The following ACAN variants were observed in gnomAD, a reference collection of about 807,000 sequenced individuals.
The protein encoded by ACAN is aggrecan, also known as aggrecan core protein.
Under a neutral mutation model 169.1 loss-of-function variants are expected in ACAN, and 47 were observed. The ratio of observed to expected loss-of-function variants is 0.28; its 90% CI spans 0.22 to 0.35. The LOEUF is 0.35. Among genes scored for constraint, ACAN ranks in the 10% least tolerant of loss-of-function variants. ACAN has a pLI of 1.00. For synonymous variants in ACAN, 1,115 were observed against 1,112.2 expected (o/e 1.00, Z -0.05); for missense variants, 2,716 against 2,759.9 (o/e 0.98, Z 0.36).
intron 5 of ACAN, among the ~76,000 whole-genome samples, chr15:88,842,516 C>T (rs868848815): frequency 2.2e-5 from 1 of 44,634 alleles, no homozygotes; most frequent in African/African-American, 6.9e-5. Context: ...GCCCATCCCC[C>T]CTCCCCCCTA....
chr15:88,874,334 G>C lies in ACAN; in HGVS notation c.7631-71G>C. On this transcript the variant is annotated intron_variant, in intron 18 of 18. Coordinates refer to ENST00000560601, the MANE Select transcript of ACAN (RefSeq NM_001369268.1). This position sits in a 1 kb window ranked among gnomAD's most constrained non-coding sequence, Gnocchi z 7.3. ...TTCCACAAGGGAGAGAGGGTAGTCT[G>C]GGGAGAGCCTGGGCTCGCCCCACTT... 7.1e-7 allele frequency: 1 copy of C among 1,414,808 alleles called. No individual in the cohort carries two copies. Among genetic ancestry groups the C allele is most frequent in the Non-Finnish European group, 9.8e-7 (1 of 1,023,470 alleles). 87.6% of individuals were successfully genotyped at this position (1,414,808 alleles called of 1,614,324 possible).
Position 88,845,569 on chromosome 15 carries a change from C to T in ACAN, c.1116C>T (p.Val372=). 1.2e-6 allele frequency: 2 copies of T among 1,613,998 alleles called. No individual in the cohort carries two copies. Among genetic ancestry groups the T allele is most frequent in the Non-Finnish European group, 1.7e-6 (2 of 1,179,892 alleles). Residue 372 remains valine (V), a synonymous_variant, in exon 7 of 19, where the codon GTC becomes GTT. Transcript: ENST00000560601. ...TGGGGGGTGAGGAGGACATCACCGTCCAGACAGTGACCTGGCCTGACATGG... is the reference window on the plus strand; with the variant it reads ...TGGGGGGTGAGGAGGACATCACCGTTCAGACAGTGACCTGGCCTGACATGG... ...FGVGGEEDIT[V]QTVTWPDMEL...
At chr15:88,867,907 C>G (rs962914074) in intron 13 of ACAN, among the ~76,000 whole-genome samples, 7 of 152,184 alleles carry the variant, frequency 4.6e-5, no homozygotes, top group African/African-American at 1.7e-4. Flanking sequence ...CTATGTTCCC[C>G]GTCAGAAAAG....
intron 1 of ACAN, among the ~76,000 whole-genome samples, chr15:88,806,263 T>A (rs1328928664): frequency 1.3e-5 from 2 of 152,184 alleles, no homozygotes; most frequent in Admixed American, 6.5e-5. Context: ...CTAAGCCCCC[T>A]TGTGGGTCAC....
intron 1 of ACAN, among the ~76,000 whole-genome samples, chr15:88,824,325 A>G (rs1008064238): frequency 7.0e-6 from 1 of 142,238 alleles, no homozygotes; most frequent in African/African-American, 2.9e-5. Flanking sequence ...GTCTCAAAAA[A>G]AAAAACAACA....
Position 88,858,736 on chromosome 15 carries a change from T to G in ACAN, c.6151T>G (p.Ser2051Ala), listed in dbSNP as rs1247259711. The change falls in exon 12 of 19, where the codon TCT becomes GCT. Residue 2051 changes from serine (S) to alanine (A), a missense_variant. Physicochemically the swap from Ser to Ala is moderately conservative, Grantham distance 99 (BLOSUM62 1). Coordinates refer to ENST00000560601, the MANE Select transcript of ACAN (RefSeq NM_001369268.1). This position sits in a 1 kb window ranked among gnomAD's most constrained non-coding sequence, Gnocchi z 4.0. ...GGAGGGTGTTACTGAACCAACTATT[T>G]CTCAGGAACTAGGCCAAAGGCCCCC... Reference protein sequence around the residue: ...FVEGVTEPTISQELGQRPPVT... With the variant: ...FVEGVTEPTIAQELGQRPPVT... The G allele has an allele frequency of 6.2e-7, 1 of 1,613,794 alleles. No individual in the cohort carries two copies. Among genetic ancestry groups the G allele is most frequent in the Admixed American group, 1.7e-5 (1 of 59,998 alleles).
rs1896726844 is a variant in ACAN at position 88,843,761 on chromosome 15, G to A, written c.1051+113G>A. The A allele has an allele frequency of 2.2e-6, 3 of 1,345,166 alleles. No homozygotes were observed. In the African/African-American group the frequency reaches 4.4e-5, roughly 20 times the overall value. 83.3% of individuals were successfully genotyped at this position (1,345,166 alleles called of 1,614,324 possible). A position where few individuals can be genotyped will look rare whatever the true frequency, so the allele number is the denominator to read the frequency against. On this transcript the variant is annotated intron_variant, in intron 6 of 18. Transcript: ENST00000560601. This position sits in a 1 kb window ranked among gnomAD's most constrained non-coding sequence, Gnocchi z 4.0. ...GTTTTTGCCCTTGAAGGGGCCACGG[G>A]GTACCTGAACCCCATGTTTTTAGGA...
At chr15:88,811,904 T>G (rs1596111442) in intron 1 of ACAN, among the ~76,000 whole-genome samples, 1 of 152,230 alleles carries the variant, frequency 6.6e-6, no homozygotes, top group Admixed American at 6.5e-5. Flanking sequence ...GCCAGGTGCT[T>G]TGTTCTCCCC....
chr15:88,867,632 T>C (rs904081505), intron 13 of ACAN, among the ~76,000 whole-genome samples: 1 of 152,228 alleles, frequency 6.6e-6, no homozygotes, highest in African/African-American at 2.4e-5. Context: ...CCAAGAACTC[T>C]GATGGGTCTC....
At position 88,861,314 on chromosome 15, in the gene ACAN, G is replaced by A. The variant is rs1299632032; in HGVS notation, c.6946+875G>A. 2.0e-5 allele frequency among the ~76,000 whole-genome samples: 3 copies of A among 152,038 alleles called. No homozygotes were observed. Among genetic ancestry groups the A allele is most frequent in the Non-Finnish European group, 4.4e-5 (3 of 68,038 alleles). On this transcript the variant is annotated intron_variant, in intron 13 of 18. Transcript: ENST00000560601. This position sits in a 1 kb window ranked among gnomAD's most constrained non-coding sequence, Gnocchi z 6.3. ...AGACCTAGGGTCTTTCATAAAAGGGGTCACTCCTAGGACATGTGCAAAAAT... is the reference window on the plus strand; with the variant it reads ...AGACCTAGGGTCTTTCATAAAAGGGATCACTCCTAGGACATGTGCAAAAAT...
Position 88,862,413 on chromosome 15 carries a change from T to G in ACAN, c.6946+1974T>G, listed in dbSNP as rs146409980. Among the ~76,000 whole-genome samples, 601 of 152,338 alleles carry G rather than the reference T, an allele frequency of 3.9e-3. 33 individuals carry two copies. In the South Asian group the frequency reaches 0.1, roughly 26 times the overall value. Reference sequence around the variant, plus strand: ...CTGCTGTGAGGGTGAAGATCACCCATGTACAACATCTGGTCAGAAGAGGCA... The same window carrying G: ...CTGCTGTGAGGGTGAAGATCACCCAGGTACAACATCTGGTCAGAAGAGGCA... On this transcript the variant is annotated intron_variant, in intron 13 of 18. Coordinates refer to ENST00000560601, the MANE Select transcript of ACAN (RefSeq NM_001369268.1).
In ACAN at chr15:88,872,213, G is replaced by A. The variant is rs1268126435; in HGVS notation, c.7302+128G>A. On this transcript the variant is annotated intron_variant, in intron 16 of 18. Coordinates refer to ENST00000560601, the MANE Select transcript of ACAN (RefSeq NM_001369268.1). The surrounding 1 kb of genome is among the most constrained non-coding windows in gnomAD (Gnocchi z 5.4). Reference sequence around the variant, plus strand: ...CAGCTGCTGGACCGGGAACCCTTGAGGGCAGGGATTATCTCCTTCATCTCT... The same window carrying A: ...CAGCTGCTGGACCGGGAACCCTTGAAGGCAGGGATTATCTCCTTCATCTCT... 13 of 776,648 alleles carry A rather than the reference G, an allele frequency of 1.7e-5. No homozygotes were observed. In the African/African-American group the frequency reaches 2.2e-4, roughly 13 times the overall value. The allele number at this position is 776,648 out of a possible 1,614,324, so 48.1% of individuals were successfully genotyped here. A position where few individuals can be genotyped will look rare whatever the true frequency, so the allele number is the denominator to read the frequency against.
chr15:88,826,889 T>C (rs1177582138), intron 1 of ACAN, among the ~76,000 whole-genome samples: 3 of 152,184 alleles, frequency 2.0e-5, no homozygotes, highest in Non-Finnish European at 4.4e-5. Flanking sequence ...GGACTGTAAA[T>C]GCTGAGAAAA....
intron 11 of ACAN, among the ~76,000 whole-genome samples, chr15:88,854,130 G>A (rs558935578): frequency 1.3e-5 from 2 of 152,300 alleles, no homozygotes; most frequent in South Asian, 4.1e-4. Flanking sequence ...CAAATTGTCT[G>A]TAACAGAGTT....
intron 1 of ACAN, among the ~76,000 whole-genome samples, chr15:88,834,725 A>G (rs1157032824): frequency 6.6e-6 from 1 of 152,206 alleles, no homozygotes; most frequent in African/African-American, 2.4e-5. Flanking sequence ...CCAGGCATGC[A>G]CCGTGGAGGG....
chr15:88,825,104 T>C (rs1052559059), intron 1 of ACAN, among the ~76,000 whole-genome samples: 1 of 152,080 alleles, frequency 6.6e-6, no homozygotes, highest in East Asian at 1.9e-4. Flanking sequence ...AGCTAGAATG[T>C]GGCGGGGTTG....
chr15:88,829,828 T>A, intron 1 of ACAN, among the ~76,000 whole-genome samples: 1 of 152,266 alleles, frequency 6.6e-6, no homozygotes. Flanking sequence ...TTTGTGTTAT[T>A]CCTGGTACTG....
At position 88,851,838 on chromosome 15, in the gene ACAN, C is replaced by A. The variant is rs1162362074; in HGVS notation, c.2071C>A (p.Pro691Thr). The A allele has an allele frequency of 6.2e-7, 1 of 1,610,152 alleles. No homozygotes were observed. Among genetic ancestry groups the A allele is most frequent in the Admixed American group, 1.7e-5 (1 of 59,406 alleles). Residue 691 changes from proline (P) to threonine (T), a missense_variant, in exon 11 of 19, where the codon CCC (proline) becomes ACC (threonine). Physicochemically the swap from Pro to Thr is conservative, Grantham distance 38. Coordinates refer to ENST00000560601, the MANE Select transcript of ACAN (RefSeq NM_001369268.1). This position sits in a 1 kb window ranked among gnomAD's most constrained non-coding sequence, Gnocchi z 4.3. ...TCCAGGAGAAGAAGAGGGTGGCACACCCACATCACCCTCTGGTGTGGAGGA... is the reference window on the plus strand; with the variant it reads ...TCCAGGAGAAGAAGAGGGTGGCACAACCACATCACCCTCTGGTGTGGAGGA... Reference protein sequence around the residue: ...PSPGEEEGGTPTSPSGVEEWI... With the variant: ...PSPGEEEGGTTTSPSGVEEWI...
rs541336452 is a variant in ACAN, at chr15:88,872,807, G to A, written c.7303-74G>A. 16 of 1,525,682 alleles carry A rather than the reference G, an allele frequency of 1.0e-5. No individual in the cohort carries two copies. Among genetic ancestry groups the A allele is most frequent in the Middle Eastern group, 2.4e-4 (1 of 4,230 alleles). The allele number at this position is 1,525,682 out of a possible 1,614,324, so 94.5% of individuals were successfully genotyped here. ...AAAGGAGATGATGAAGAGGCTCCAC[G>A]GGGAAGACAGTCGGAGCAGGCCAAC... On this transcript the variant is annotated intron_variant, in intron 16 of 18. Coordinates refer to ENST00000560601, the MANE Select transcript of ACAN (RefSeq NM_001369268.1). The surrounding 1 kb of genome is among the most constrained non-coding windows in gnomAD (Gnocchi z 5.4).
Sources: allele counts gnomAD v4.1 joint callset (sites outside exome capture counted in the v4.1 genomes callset), GRCh38; gene constraint gnomAD v4.1.1; non-coding constraint Gnocchi (gnomAD v3.1); transcripts MANE v1.5; gene names NCBI Gene and HGNC (gene_info 2026-07-23, HGNC 2026-07-21).